CECR2: variants seen among roughly 807,000 people sequenced by gnomAD.
The protein encoded by CECR2 is chromatin remodeling regulator CECR2.
A neutral mutation model predicts 154.5 loss-of-function variants in CECR2; 30 were observed. The observed-to-expected ratio is 0.19, with a 90% CI of 0.15 to 0.26. The LOEUF (loss-of-function observed/expected upper bound fraction) is 0.26. Ranked by LOEUF, CECR2 falls within the 10% of genes least tolerant of loss-of-function variation. The probability of loss-of-function intolerance (pLI) is 1.00; values close to 1 mark genes in which losing one functional copy is unlikely to be tolerated. For synonymous variants in CECR2, 725 were observed against 683.7 expected (o/e 1.06, Z -0.94); for missense variants, 1,743 against 1,829.3 (o/e 0.95, Z 0.86).
chr22:17,423,656 T>C (rs531350750), intron 1 of CECR2, among the ~76,000 whole-genome samples: 2 of 152,280 alleles, frequency 1.3e-5, no homozygotes, highest in South Asian at 4.2e-4. Context: ...CTTAGAAGAA[T>C]TGCCCCCTAT....
chr22:17,494,425 C>T (rs755148393), intron 2 of CECR2, among the ~76,000 whole-genome samples: 17 of 152,254 alleles, frequency 1.1e-4, no homozygotes, highest in South Asian at 4.1e-4. Flanking sequence ...ACTCTTTGCC[C>T]GGCTCCTCAC....
Position 17,504,530 on chromosome 22 carries a change from G to A in CECR2, c.701-317G>A, listed in dbSNP as rs1323224479. On this transcript the variant is annotated intron_variant, in intron 6 of 18. Transcript: ENST00000262608. ...CGGCTCACTGCAAGCTCCGCCTCCCGGGTTCACGCCATTCTCCTGCCTCAG... is the reference window on the plus strand; with the variant it reads ...CGGCTCACTGCAAGCTCCGCCTCCCAGGTTCACGCCATTCTCCTGCCTCAG... Among the ~76,000 whole-genome samples, 25 of 151,204 alleles carry A rather than the reference G, an allele frequency of 1.7e-4. No homozygotes were observed. The East Asian group carries it at 2.5e-3, about 15-fold the overall frequency.
At chr22:17,443,559 G>A (rs1359690512) in intron 1 of CECR2, among the ~76,000 whole-genome samples, 1 of 152,038 alleles carries the variant, frequency 6.6e-6, no homozygotes, top group Non-Finnish European at 1.5e-5. Flanking sequence ...AGAAGAGATG[G>A]AAAAAAAGTT....
chr22:17,385,936 A>G (rs531451775), intron 1 of CECR2, among the ~76,000 whole-genome samples: 1 of 152,298 alleles, frequency 6.6e-6, no homozygotes, highest in South Asian at 2.1e-4. Flanking sequence ...GGAGCATGTG[A>G]TGAAGGTTGC....
At chr22:17,512,041 T>C in intron 8 of CECR2, 145 bp downstream of exon 8, 1 of 642,074 alleles carries the variant, frequency 1.6e-6, no homozygotes, top group Non-Finnish European at 2.7e-6. Flanking sequence ...ATGCTTAAGA[T>C]ACATTTCTAG....
At chr22:17,537,949 G>A (rs944671831) in intron 10 of CECR2, among the ~76,000 whole-genome samples, 5 of 151,322 alleles carry the variant, frequency 3.3e-5, no homozygotes, top group African/African-American at 9.7e-5. Context: ...AGCTGAGATC[G>A]TGCCACTGCA....
At chr22:17,550,711 G>A (rs1429998242) in intron 17 of CECR2, among the ~76,000 whole-genome samples, 1 of 152,190 alleles carries the variant, frequency 6.6e-6, no homozygotes, top group Non-Finnish European at 1.5e-5. Context: ...GGGAGGCCGA[G>A]GCGGGCAGAT....
intron 1 of CECR2, among the ~76,000 whole-genome samples, chr22:17,372,978 G>T (rs2063078197): frequency 6.6e-6 from 1 of 152,140 alleles, no homozygotes; most frequent in Admixed American, 6.5e-5. Flanking sequence ...CAGGATTCAT[G>T]CCCCACTTCT....
At chr22:17,405,135 C>A (rs1229494927) in intron 1 of CECR2, among the ~76,000 whole-genome samples, 5 of 152,176 alleles carry the variant, frequency 3.3e-5, no homozygotes, top group Admixed American at 2.6e-4. Flanking sequence ...TTAGGCCAGG[C>A]ATGGTGACTC....
chr22:17,541,387 G>A (rs1358844117), intron 14 of CECR2, among the ~76,000 whole-genome samples: 2 of 152,206 alleles, frequency 1.3e-5, no homozygotes, highest in Admixed American at 6.5e-5. Context: ...AGAGTTTGCA[G>A]TGAGCTGAGA....
chr22:17,504,075 T>TAAATAAATAAAA (rs879844244), intron 6 of CECR2, among the ~76,000 whole-genome samples: 58 of 149,936 alleles, frequency 3.9e-4, no homozygotes, highest in African/African-American at 1.4e-3. Context: ...AATAAATAAA[T>TAAATAAATAAAA]AAAATTTAAA....
intron 1 of CECR2, among the ~76,000 whole-genome samples, chr22:17,455,281 T>C (rs1268482842): frequency 1.3e-5 from 2 of 152,226 alleles, no homozygotes; most frequent in Non-Finnish European, 2.9e-5. Flanking sequence ...CTAGCAGATA[T>C]TTAAGAATGT....
intron 1 of CECR2, among the ~76,000 whole-genome samples, chr22:17,374,501 A>G (rs1312217118): frequency 5.9e-5 from 9 of 152,184 alleles, no homozygotes; most frequent in African/African-American, 2.2e-4. Context: ...ACTTTGCTGG[A>G]GGAGAGGGCC....
intron 18 of CECR2, among the ~76,000 whole-genome samples, chr22:17,552,614 C>T (rs538520163): frequency 1.3e-5 from 2 of 152,094 alleles, no homozygotes; most frequent in East Asian, 1.9e-4. Context: ...TCATCATTTC[C>T]CAGTGTGCAA....
chr22:17,545,935 G>T (rs941414243), intron 16 of CECR2, among the ~76,000 whole-genome samples: 1 of 151,348 alleles, frequency 6.6e-6, no homozygotes, highest in East Asian at 1.9e-4. Flanking sequence ...ACCTGTAATC[G>T]CAACTACTTG....
chr22:17,495,080 A>G (rs2055599078), intron 2 of CECR2, among the ~76,000 whole-genome samples: 1 of 152,194 alleles, frequency 6.6e-6, no homozygotes, highest in Non-Finnish European at 1.5e-5. Flanking sequence ...ACTACCATAG[A>G]TTATAAGTCA....
intron 2 of CECR2, among the ~76,000 whole-genome samples, chr22:17,488,651 G>A (rs989582627): frequency 3.9e-5 from 6 of 152,026 alleles, no homozygotes; most frequent in African/African-American, 1.5e-4. Context: ...CTTTGAGGGG[G>A]GTGGGGGACT....
intron 1 of CECR2, among the ~76,000 whole-genome samples, chr22:17,414,168 T>G (rs555861196): frequency 1.3e-4 from 19 of 151,398 alleles, no homozygotes; most frequent in Non-Finnish European, 2.2e-4. Context: ...GAGATGGGAT[T>G]TCACTGTGTT....
At chr22:17,521,512 G>T (rs1225552518) in intron 8 of CECR2, among the ~76,000 whole-genome samples, 1 of 127,538 alleles carries the variant, frequency 7.8e-6, no homozygotes, top group Non-Finnish European at 1.6e-5. Flanking sequence ...GTGACAGAGC[G>T]AGACTCCATC....
Sources: allele counts gnomAD v4.1 joint callset (sites outside exome capture counted in the v4.1 genomes callset), GRCh38; gene constraint gnomAD v4.1.1; transcripts MANE v1.5; gene names NCBI Gene and HGNC (gene_info 2026-07-23, HGNC 2026-07-21).